GALNTL6: variants seen among roughly 807,000 people sequenced by gnomAD.
GALNTL6 encodes the protein polypeptide N-acetylgalactosaminyltransferase-like 6.
GALNTL6 carries 46 observed loss-of-function variants against 73.7 expected under a neutral mutation model. The ratio of observed to expected loss-of-function variants is 0.62; its 90% CI spans 0.49 to 0.80. The LOEUF (loss-of-function observed/expected upper bound fraction) is 0.80. GALNTL6 is among the 30% of genes least tolerant of loss of function. GALNTL6 has a pLI of 0.00. For missense variants in GALNTL6, 604 were observed against 755.0 expected, an observed-to-expected ratio of 0.80 and a Z score of 2.34; for synonymous variants, 259 against 263.7, an observed-to-expected ratio of 0.98 and a Z score of 0.17.
rs1455329778 is a variant in GALNTL6 at position 171,956,127 on chromosome 4, A to G, written c.138+141409A>G. Among the ~76,000 whole-genome samples, 7 of 113,746 alleles carry G rather than the reference A, an allele frequency of 6.2e-5. No individual in the cohort carries two copies. The East Asian group carries it at 2.2e-3, about 36-fold the overall frequency. 74.6% of individuals were successfully genotyped at this position (113,746 alleles called of 152,430 possible). ...AAGTGATCCTCCCGCCACAGTCTCC[A>G]GAGTAGCGGGACTACAGGCATGCGC... is the stretch of plus-strand genomic sequence containing the variant. On this transcript the variant is annotated intron_variant, in intron 2 of 12. Transcript: ENST00000506823.
chr4:172,281,958 CTG>C (rs1342259052), intron 3 of GALNTL6, among the ~76,000 whole-genome samples: 1 of 151,468 alleles, frequency 6.6e-6, no homozygotes, highest in African/African-American at 2.4e-5. Context: ...CCTTAATTGA[CTG>C]ATAGAATACC....
At chr4:171,882,759 A>T (rs565532993) in intron 2 of GALNTL6, among the ~76,000 whole-genome samples, 59 of 152,304 alleles carry the variant, frequency 3.9e-4, no homozygotes, top group East Asian at 2.9e-3. Context: ...AGTTGATTAC[A>T]TCTTCTTTGG....
At chr4:172,199,268 T>G (rs746848622) in intron 2 of GALNTL6, among the ~76,000 whole-genome samples, 4 of 152,122 alleles carry the variant, frequency 2.6e-5, no homozygotes, top group Non-Finnish European at 4.4e-5. Flanking sequence ...TTTAATAGGA[T>G]TTTTGTGGAA....
At chr4:171,981,540 A>T (rs1030482216) in intron 2 of GALNTL6, among the ~76,000 whole-genome samples, 1 of 152,150 alleles carries the variant, frequency 6.6e-6, no homozygotes, top group Non-Finnish European at 1.5e-5. Context: ...TAGCTATCTT[A>T]CTTAGGAATA....
intron 3 of GALNTL6, among the ~76,000 whole-genome samples, chr4:172,252,122 C>G (rs1484645092): frequency 6.6e-6 from 1 of 151,752 alleles, no homozygotes; most frequent in Non-Finnish European, 1.5e-5. Context: ...GAAAAAGAGA[C>G]AATAATTAAG....
intron 4 of GALNTL6, among the ~76,000 whole-genome samples, chr4:172,323,734 C>T (rs1207853035): frequency 6.6e-6 from 1 of 152,054 alleles, no homozygotes; most frequent in Non-Finnish European, 1.5e-5. Context: ...CCTGAACTGT[C>T]ATCTATCAGT....
chr4:172,161,500 G>C (rs1440987579), intron 2 of GALNTL6, among the ~76,000 whole-genome samples: 1 of 152,022 alleles, frequency 6.6e-6, no homozygotes, highest in African/African-American at 2.4e-5. Flanking sequence ...TGGCAGTACA[G>C]AGAAACCATT....
chr4:171,995,921 C>T (rs191368147), intron 2 of GALNTL6, among the ~76,000 whole-genome samples: 27 of 152,022 alleles, frequency 1.8e-4, no homozygotes, highest in African/African-American at 5.1e-4. Flanking sequence ...TAACACTTAA[C>T]AACCATTGTA....
intron 3 of GALNTL6, among the ~76,000 whole-genome samples, chr4:172,239,239 G>C (rs1220307849): frequency 6.6e-6 from 1 of 152,048 alleles, no homozygotes. Context: ...GACTTTTCCT[G>C]GTTGGTAGCC....
chr4:172,529,547 A>T (rs1002182889), intron 5 of GALNTL6, among the ~76,000 whole-genome samples: 58 of 152,268 alleles, frequency 3.8e-4, no homozygotes, highest in African/African-American at 1.3e-3. Context: ...TCCTCCAGTA[A>T]TTAACTTTCT....
intron 2 of GALNTL6, among the ~76,000 whole-genome samples, chr4:171,868,508 G>A (rs1736034124): frequency 6.6e-6 from 1 of 152,138 alleles, no homozygotes; most frequent in Non-Finnish European, 1.5e-5. Flanking sequence ...TGGAGTGAAA[G>A]AAGAAAATGC....
At chr4:172,184,625 T>C (rs1268424551) in intron 2 of GALNTL6, among the ~76,000 whole-genome samples, 3 of 152,202 alleles carry the variant, frequency 2.0e-5, no homozygotes, top group Non-Finnish European at 4.4e-5. Context: ...TTTCCACAGT[T>C]CTTATCAGTT....
intron 2 of GALNTL6, among the ~76,000 whole-genome samples, chr4:171,917,816 C>T (rs1737672317): frequency 6.6e-6 from 1 of 152,056 alleles, no homozygotes; most frequent in Non-Finnish European, 1.5e-5. Flanking sequence ...GAATTACTGG[C>T]ATGGTTTTAA....
intron 2 of GALNTL6, among the ~76,000 whole-genome samples, chr4:171,915,260 T>C (rs1737585757): frequency 6.6e-6 from 1 of 152,190 alleles, no homozygotes; most frequent in Non-Finnish European, 1.5e-5. Context: ...AGGCATTACC[T>C]AGAATTTCTA....
intron 8 of GALNTL6, among the ~76,000 whole-genome samples, chr4:172,927,388 A>G (rs1748112682): frequency 6.6e-6 from 1 of 152,236 alleles, no homozygotes; most frequent in Non-Finnish European, 1.5e-5. Context: ...TGAGTGATCC[A>G]TAAATTTTGG....
At chr4:171,819,593 G>T (rs1363205216) in intron 2 of GALNTL6, among the ~76,000 whole-genome samples, 2 of 152,058 alleles carry the variant, frequency 1.3e-5, no homozygotes, top group Non-Finnish European at 2.9e-5. Flanking sequence ...TTGTTTGTTT[G>T]TCAGGAGTAG....
intron 5 of GALNTL6, among the ~76,000 whole-genome samples, chr4:172,776,511 A>T (rs1272864607): frequency 2.0e-5 from 3 of 152,170 alleles, no homozygotes. Context: ...TTATTTAGAT[A>T]TTTTTTTAGA....
chr4:172,771,598 G>C lies in GALNTL6; in HGVS notation c.554-37763G>C, dbSNP rs183671857. On this transcript the variant is annotated intron_variant, in intron 5 of 12. Transcript: ENST00000506823. ...AATTGCTGTTTGTCTCTTTAACCAC[G>C]TACTTTGAATCATCGTTTTCTCTGG... 2.7e-3 allele frequency among the ~76,000 whole-genome samples: 412 copies of C among 152,174 alleles called. 2 individuals carry two copies. The highest frequency in any genetic ancestry group is 9.7e-3 in the African/African-American group (402 of 41,516).
chr4:172,748,612 G>C (rs1028027094), intron 5 of GALNTL6, among the ~76,000 whole-genome samples: 3 of 152,100 alleles, frequency 2.0e-5, no homozygotes, highest in Non-Finnish European at 4.4e-5. Context: ...TGGGGTTACG[G>C]GTAGATACAG....
Sources: gnomAD v4.1 joint callset for allele counts (sites outside exome capture counted in the v4.1 genomes callset) on GRCh38, gnomAD v4.1.1 for gene constraint, MANE v1.5 for transcripts, NCBI Gene and HGNC (gene_info 2026-07-23, HGNC 2026-07-21) for gene names.